The following MPHOSPH9 variants were observed in gnomAD, a reference collection of about 807,000 sequenced individuals.
MPHOSPH9 encodes M-phase phosphoprotein 9.
Under a neutral mutation model 145.5 loss-of-function variants are expected in MPHOSPH9, and 88 were observed. The ratio of observed to expected loss-of-function variants is 0.60; its 90% CI spans 0.51 to 0.72. MPHOSPH9 has a LOEUF of 0.72. MPHOSPH9 is among the 30% of genes least tolerant of loss of function. The probability of loss-of-function intolerance (pLI) is 0.00; values close to 1 mark genes in which losing one functional copy is unlikely to be tolerated. For synonymous variants in MPHOSPH9, 435 were observed against 486.2 expected (o/e 0.89, Z 1.39); for missense variants, 1,238 against 1,386.6 (o/e 0.89, Z 1.70).
At chr12:123,186,970 A>G (rs2045471111) in intron 13 of MPHOSPH9, among the ~76,000 whole-genome samples, 1 of 152,160 alleles carries the variant, frequency 6.6e-6, no homozygotes, top group Non-Finnish European at 1.5e-5. Context: ...CAAAAAGGAA[A>G]GAAAGAGGCC....
intron 13 of MPHOSPH9, among the ~76,000 whole-genome samples, chr12:123,182,632 C>T (rs2138117288): frequency 6.6e-6 from 1 of 151,374 alleles, no homozygotes; most frequent in African/African-American, 2.4e-5. Flanking sequence ...ATATGTGAGG[C>T]TGGGCATGGT....
intron 3 of MPHOSPH9, among the ~76,000 whole-genome samples, chr12:123,226,748 C>T (rs1344012180): frequency 6.6e-6 from 1 of 152,036 alleles, no homozygotes; most frequent in Non-Finnish European, 1.5e-5. Flanking sequence ...CCCACATCAG[C>T]CTCCCAAGTA....
intron 19 of MPHOSPH9, 105 bp from the exon 20 acceptor site, chr12:123,163,239 C>A: frequency 8.2e-7 from 1 of 1,214,958 alleles, no homozygotes; most frequent in Admixed American, 3.4e-5. Flanking sequence ...AATATAATTT[C>A]AACGTAAAAC....
intron 16 of MPHOSPH9, among the ~76,000 whole-genome samples, chr12:123,172,129 G>A (rs959334108): frequency 6.6e-6 from 1 of 152,080 alleles, no homozygotes; most frequent in African/African-American, 2.4e-5. Flanking sequence ...ATTAATCCAC[G>A]TTGACCGTCT....
intron 7 of MPHOSPH9, among the ~76,000 whole-genome samples, chr12:123,211,454 G>A (rs759547264): frequency 3.3e-5 from 5 of 151,316 alleles, no homozygotes; most frequent in Non-Finnish European, 7.4e-5. Flanking sequence ...CCAGGTTCAA[G>A]ACATCCTCCT....
At chr12:123,166,159 G>A (rs963257284) in intron 17 of MPHOSPH9, among the ~76,000 whole-genome samples, 1 of 152,180 alleles carries the variant, frequency 6.6e-6, no homozygotes, top group African/African-American at 2.4e-5. Flanking sequence ...AGGCTGGAGT[G>A]CAGTGGCACA....
intron 15 of MPHOSPH9, among the ~76,000 whole-genome samples, chr12:123,178,548 G>C (rs1201463616): frequency 6.6e-6 from 1 of 151,022 alleles, no homozygotes; most frequent in Non-Finnish European, 1.5e-5. Flanking sequence ...GGGGAGGGGA[G>C]AGTCTTGCTC....
intron 12 of MPHOSPH9, among the ~76,000 whole-genome samples, chr12:123,197,462 A>G (rs1270617135): frequency 1.3e-5 from 2 of 152,016 alleles, no homozygotes; most frequent in Non-Finnish European, 2.9e-5. Flanking sequence ...ATGAGCCACC[A>G]CACCTGGCCA....
upstream of MPHOSPH9, among the ~76,000 whole-genome samples, chr12:123,234,458 C>T (rs754896111): frequency 1.3e-5 from 2 of 152,116 alleles, no homozygotes; most frequent in African/African-American, 4.8e-5. Context: ...GGCAGTGGCG[C>T]GATCTCGGCT....
At chr12:123,191,021 T>C (rs763318153) in intron 13 of MPHOSPH9, among the ~76,000 whole-genome samples, 22 of 152,074 alleles carry the variant, frequency 1.4e-4, no homozygotes, top group Non-Finnish European at 1.2e-4. Flanking sequence ...TGTGAATAAT[T>C]AGAAACAATA....
chr12:123,214,958 G>T, intron 6 of MPHOSPH9, 124 bp from the exon 7 acceptor site: 2 of 771,798 alleles, frequency 2.6e-6, no homozygotes, highest in Admixed American at 2.3e-5. Flanking sequence ...AAAGAAGAAA[G>T]CCTGGCCAGG....
At chr12:123,162,986 C>A in intron 20 of MPHOSPH9, 28 bp downstream of exon 20, 2 of 1,525,362 alleles carry the variant, frequency 1.3e-6, no homozygotes, top group South Asian at 1.3e-5. Flanking sequence ...ATATAGTAAA[C>A]TTTATTCTAC....
At chr12:123,170,709 G>A (rs776190321) in intron 16 of MPHOSPH9, among the ~76,000 whole-genome samples, 17 of 152,188 alleles carry the variant, frequency 1.1e-4, no homozygotes, top group African/African-American at 1.7e-4. Flanking sequence ...GTGGAAATAT[G>A]GTTTTTAATA....
intron 1 of MPHOSPH9, chr12:123,243,791 CACTGT>C (rs554677367): frequency 6.6e-6 from 1 of 152,152 alleles, no homozygotes; most frequent in Non-Finnish European, 1.5e-5. Flanking sequence ...ATCTCAGTAT[CACTGT>C]ACTGGTTACT....
At chr12:123,164,694 G>A (rs2044239100) in intron 18 of MPHOSPH9, among the ~76,000 whole-genome samples, 1 of 152,204 alleles carries the variant, frequency 6.6e-6, no homozygotes, top group African/African-American at 2.4e-5. Flanking sequence ...CCTTAGGAAT[G>A]CCATGTAAGG....
intron 5 of MPHOSPH9, among the ~76,000 whole-genome samples, chr12:123,219,461 G>A (rs1423444418): frequency 1.3e-5 from 2 of 149,974 alleles, no homozygotes; most frequent in African/African-American, 4.9e-5. Flanking sequence ...GCTGAGGCAG[G>A]AGAATGGCGT....
At chr12:123,162,264 AT>A in intron 20 of MPHOSPH9, 46 bp from the exon 21 acceptor site, 1 of 1,075,374 alleles carries the variant, frequency 9.3e-7, no homozygotes, top group South Asian at 2.1e-5. Context: ...ATGTTAACTG[AT>A]TTTCCCTATC....
chr12:123,197,279 T>C (rs1445932923), intron 12 of MPHOSPH9, among the ~76,000 whole-genome samples: 1 of 151,810 alleles, frequency 6.6e-6, no homozygotes, highest in East Asian at 2.0e-4. Context: ...CTTCCTGGGA[T>C]CAAGTCATCC....
At chr12:123,237,714 C>T (rs1211829987), upstream of MPHOSPH9, among the ~76,000 whole-genome samples, 1 of 152,094 alleles carries the variant, frequency 6.6e-6, no homozygotes, top group African/African-American at 2.4e-5. Context: ...CGTAAAACCC[C>T]AAGTCTAGGA....
Sources: allele counts gnomAD v4.1 joint callset (sites outside exome capture counted in the v4.1 genomes callset), GRCh38; gene constraint gnomAD v4.1.1; transcripts MANE v1.5; gene names NCBI Gene and HGNC (gene_info 2026-07-23, HGNC 2026-07-21).